The following SPAM1 variants were observed in gnomAD, a reference collection of about 807,000 sequenced individuals.
SPAM1 encodes the protein hyaluronidase PH-20.
Under a neutral mutation model 29.6 loss-of-function variants are expected in SPAM1, and 22 were observed. The ratio of observed to expected loss-of-function variants is 0.74; its 90% CI spans 0.53 to 1.06. SPAM1 has a LOEUF of 1.06. Ranked by LOEUF, SPAM1 falls within the 50% of genes least tolerant of loss-of-function variation. SPAM1 has a pLI of 0.00. For missense variants in SPAM1, 534 were observed against 604.0 expected, an observed-to-expected ratio of 0.88 and a Z score of 1.21; for synonymous variants, 194 against 204.6, an observed-to-expected ratio of 0.95 and a Z score of 0.44.
At chr7:123,928,975 T>G (rs1807981678) in intron 1 of SPAM1, among the ~76,000 whole-genome samples, 2 of 152,184 alleles carry the variant, frequency 1.3e-5, no homozygotes, top group Non-Finnish European at 2.9e-5. Context: ...CCCCTCCTGT[T>G]TTCCTGCGAG....
chr7:123,948,227 G>A lies in SPAM1; in HGVS notation c.-318-1645G>A, dbSNP rs1270198997. Among the ~76,000 whole-genome samples the A allele has an allele frequency of 1.3e-5, 2 of 152,132 alleles. 1 individual carries two copies. The highest frequency in any genetic ancestry group is 3.9e-4 in the East Asian group (2 of 5,160). On this transcript the variant is annotated intron_variant, in intron 1 of 4. Transcript: ENST00000682466. ...TATGTGCTTTCAGGGATATTACGCTGGTCTCTTAAAAGTTTCCTTAAAATT... is the reference window on the plus strand; with the variant it reads ...TATGTGCTTTCAGGGATATTACGCTAGTCTCTTAAAAGTTTCCTTAAAATT...
At chr7:123,942,579 A>G (rs1250081529) in intron 1 of SPAM1, among the ~76,000 whole-genome samples, 1 of 152,212 alleles carries the variant, frequency 6.6e-6, no homozygotes, top group Non-Finnish European at 1.5e-5. Context: ...CTGAAACTTT[A>G]TTCCATAAGG....
chr7:123,966,180 C>T (rs1480538059), intron 5 of SPAM1, among the ~76,000 whole-genome samples: 1 of 152,042 alleles, frequency 6.6e-6, no homozygotes, highest in Non-Finnish European at 1.5e-5. Flanking sequence ...AGCTCAACAT[C>T]ACTGATCATT....
intron 1 of SPAM1, among the ~76,000 whole-genome samples, chr7:123,941,480 A>G (rs1057320230): frequency 6.6e-6 from 1 of 152,190 alleles, no homozygotes; most frequent in African/African-American, 2.4e-5. Context: ...TTGAATATAC[A>G]ATTTAGTCTG....
intron 4 of SPAM1, among the ~76,000 whole-genome samples, chr7:123,955,974 C>T (rs1792240899): frequency 6.6e-6 from 1 of 151,540 alleles, no homozygotes; most frequent in East Asian, 1.9e-4. Context: ...CTCAAATGTC[C>T]TATTATTTAA....
Position 123,954,024 on chromosome 7 carries a change from C to T in SPAM1, c.454C>T (p.Pro152Ser), listed in dbSNP as rs763415181. 1 of 1,613,392 alleles carries T rather than the reference C, an allele frequency of 6.2e-7. No individual in the cohort carries two copies. Among genetic ancestry groups the T allele is most frequent in the Non-Finnish European group, 8.5e-7 (1 of 1,179,772 alleles). The change falls in exon 3 of 5, where the codon CCC (proline) becomes TCC (serine). Residue 152 changes from proline to serine, a missense_variant. Physicochemically the swap from Pro to Ser is moderately conservative, Grantham distance 74. Coordinates refer to ENST00000682466, the MANE Select transcript of SPAM1 (RefSeq NM_153189.3). ...MAVIDWEEWR[P>S]TWARNWKPKD... ...TGTTATTGACTGGGAAGAATGGAGA[C>T]CCACTTGGGCAAGAAACTGGAAACC...
At chr7:123,947,317 C>T (rs58056069) in intron 1 of SPAM1, among the ~76,000 whole-genome samples, 9,652 of 151,968 alleles carry the variant, frequency 0.064, 1,025 homozygotes, top group African/African-American at 0.22. Flanking sequence ...GGGAGGTCGA[C>T]GTGGCGAGAT....
At chr7:123,953,242 A>G (rs1406730553) in intron 2 of SPAM1, 123 bp from the exon 3 acceptor site, 9 of 225,756 alleles carry the variant, frequency 4.0e-5, no homozygotes, top group Admixed American at 1.7e-4. Flanking sequence ...CAAACACAGG[A>G]GTAGATCCTC....
At chr7:123,929,895 A>ATTTTTTTTTTTTTTTTTTTT (rs71163712) in intron 1 of SPAM1, among the ~76,000 whole-genome samples, 5 of 119,830 alleles carry the variant, frequency 4.2e-5, no homozygotes, top group African/African-American at 1.2e-4. Flanking sequence ...GTGTTTAGGG[A>ATTTTTTTTTTTTTTTTTTTT]TTTTTTTTTT....
intron 1 of SPAM1, among the ~76,000 whole-genome samples, chr7:123,949,037 T>C (rs1363515051): frequency 6.6e-6 from 1 of 151,262 alleles, no homozygotes; most frequent in East Asian, 2.0e-4. Flanking sequence ...AATCTTCCCA[T>C]AACATCATGT....
intron 1 of SPAM1, among the ~76,000 whole-genome samples, chr7:123,937,693 A>G (rs555076544): frequency 1.3e-5 from 2 of 151,624 alleles, no homozygotes; most frequent in East Asian, 1.9e-4. Flanking sequence ...TTACTGATGT[A>G]TTTTTAAAGA....
chr7:123,936,358 A>G (rs544865569), intron 1 of SPAM1, among the ~76,000 whole-genome samples: 1 of 152,260 alleles, frequency 6.6e-6, no homozygotes, highest in East Asian at 1.9e-4. Flanking sequence ...AGTCATTAGG[A>G]TGTGGAAATT....
At chr7:123,965,415 T>C (rs1483760916) in intron 5 of SPAM1, among the ~76,000 whole-genome samples, 1 of 152,078 alleles carries the variant, frequency 6.6e-6, no homozygotes, top group African/African-American at 2.4e-5. Context: ...GATTTTCTTC[T>C]AGGGTTTTTA....
At chr7:123,930,009 CAAAATAT>C (rs1808022133) in intron 1 of SPAM1, among the ~76,000 whole-genome samples, 2 of 148,010 alleles carry the variant, frequency 1.4e-5, no homozygotes, top group Non-Finnish European at 3.0e-5. Flanking sequence ...TCTGGAGATT[CAAAATAT>C]CTTCTGGAAG....
chr7:123,957,865 T>A (rs1792280598), intron 4 of SPAM1, among the ~76,000 whole-genome samples: 1 of 152,010 alleles, frequency 6.6e-6, no homozygotes, highest in South Asian at 2.1e-4. Context: ...TTTCTTAAAG[T>A]CAGCCAAGGT....
chr7:123,935,139 A>G (rs1306337251), intron 1 of SPAM1, among the ~76,000 whole-genome samples: 1 of 152,184 alleles, frequency 6.6e-6, no homozygotes, highest in African/African-American at 2.4e-5. Context: ...AGATTTAAAA[A>G]GAGAATGTTG....
At chr7:123,961,911 T>A (rs562305796), downstream of SPAM1, among the ~76,000 whole-genome samples, 1 of 151,910 alleles carries the variant, frequency 6.6e-6, no homozygotes, top group East Asian at 2.0e-4. Flanking sequence ...AATCATCAGG[T>A]CTTGAGAGAC....
chr7:123,957,140 G>A (rs1792264411), intron 4 of SPAM1, among the ~76,000 whole-genome samples: 1 of 151,932 alleles, frequency 6.6e-6, no homozygotes, highest in South Asian at 2.1e-4. Flanking sequence ...CAAAGTCTAT[G>A]TACTCTTGGA....
At chr7:123,958,480 G>A (rs1015167483) in intron 4 of SPAM1, among the ~76,000 whole-genome samples, 3 of 151,934 alleles carry the variant, frequency 2.0e-5, no homozygotes, top group East Asian at 1.9e-4. Context: ...AGTTGAACCC[G>A]TTTAATGTAT....
Sources: allele counts gnomAD v4.1 joint callset (sites outside exome capture counted in the v4.1 genomes callset), GRCh38; gene constraint gnomAD v4.1.1; transcripts MANE v1.5; gene names NCBI Gene and HGNC (gene_info 2026-07-23, HGNC 2026-07-21).